The following EYA2 variants were observed in gnomAD, a reference collection of about 807,000 sequenced individuals.
EYA2 encodes the protein protein phosphatase EYA2.
Under a neutral mutation model 69.2 loss-of-function variants are expected in EYA2, and 31 were observed. The observed-to-expected ratio is 0.45, with a 90% CI of 0.34 to 0.60. The LOEUF is 0.60. Among genes scored for constraint, EYA2 ranks in the 20% least tolerant of loss-of-function variants. EYA2 has a pLI of 0.02. For synonymous variants in EYA2, 257 were observed against 279.4 expected (o/e 0.92, Z 0.80); for missense variants, 622 against 701.2 (o/e 0.89, Z 1.28).
At chr20:47,026,226 T>C (rs775511419) in intron 5 of EYA2, among the ~76,000 whole-genome samples, 1 of 152,204 alleles carries the variant, frequency 6.6e-6, no homozygotes. Flanking sequence ...AACAGCTAGT[T>C]AGCCATCTGG....
chr20:47,145,217 G>A (rs542462021), intron 10 of EYA2, among the ~76,000 whole-genome samples: 16 of 152,136 alleles, frequency 1.1e-4, no homozygotes, highest in Admixed American at 9.2e-4. Context: ...GGGGATGGAG[G>A]AGGGTTGGGG....
intron 7 of EYA2, among the ~76,000 whole-genome samples, chr20:47,083,050 A>G (rs781643228): frequency 3.9e-5 from 6 of 152,090 alleles, no homozygotes; most frequent in South Asian, 2.1e-4. Context: ...AAAATAACCC[A>G]GGCAGTGGGT....
rs141368803 is a variant in EYA2 at position 46,990,557 on chromosome 20, G to A, written c.109+438G>A. ...TAGGGCAAGAACTCGTCTGCCTCTT[G>A]CTTTCAGGTCGGGTTGGAGTCAAGG... is the stretch of plus-strand genomic sequence containing the variant. On this transcript the variant is annotated intron_variant, in intron 2 of 15. Transcript: ENST00000327619. Among the ~76,000 whole-genome samples the A allele has an allele frequency of 2.0e-5, 3 of 152,346 alleles. No homozygotes were observed. In the East Asian group the frequency reaches 5.8e-4, roughly 29 times the overall value.
intron 10 of EYA2, among the ~76,000 whole-genome samples, chr20:47,151,615 A>G (rs769493627): frequency 1.3e-5 from 2 of 151,824 alleles, no homozygotes; most frequent in African/African-American, 2.4e-5. Flanking sequence ...GCCAGTTCCT[A>G]TGCACCTCTT....
chr20:47,037,477 A>G lies in EYA2; in HGVS notation c.415+21180A>G, dbSNP rs958781722. 6.6e-5 allele frequency among the ~76,000 whole-genome samples: 10 copies of G among 152,370 alleles called. No homozygotes were observed. In the South Asian group the frequency reaches 1.9e-3, roughly 28 times the overall value. On this transcript the variant is annotated intron_variant, in intron 5 of 15. Transcript: ENST00000327619. Reference sequence around the variant, plus strand: ...GTATTATTAGTTTTCCATGACTTCTATAACAAATTACCACAAACTTCGTGG... The same window carrying G: ...GTATTATTAGTTTTCCATGACTTCTGTAACAAATTACCACAAACTTCGTGG...
At chr20:46,938,896 A>G (rs909922697) in intron 1 of EYA2, among the ~76,000 whole-genome samples, 3 of 152,192 alleles carry the variant, frequency 2.0e-5, no homozygotes, top group African/African-American at 7.2e-5. Flanking sequence ...ACATTCTCCT[A>G]CAAAACAACC....
intron 15 of EYA2, among the ~76,000 whole-genome samples, chr20:47,185,879 C>A (rs929827534): frequency 6.6e-6 from 1 of 152,180 alleles, no homozygotes; most frequent in Non-Finnish European, 1.5e-5. Flanking sequence ...TTCCTCTTTT[C>A]ATTCCTTCTA....
intron 9 of EYA2, among the ~76,000 whole-genome samples, chr20:47,111,035 T>G (rs2032734957): frequency 6.6e-6 from 1 of 152,254 alleles, no homozygotes; most frequent in African/African-American, 2.4e-5. Flanking sequence ...GGGTATAGAA[T>G]TTTTGTTTGG....
chr20:47,053,380 A>T (rs2030440011), intron 5 of EYA2, among the ~76,000 whole-genome samples: 1 of 152,176 alleles, frequency 6.6e-6, no homozygotes, highest in South Asian at 2.1e-4. Flanking sequence ...AAAGAGTAAC[A>T]TTCGGCCGGG....
intron 5 of EYA2, among the ~76,000 whole-genome samples, chr20:47,046,532 C>A (rs2030045904): frequency 6.6e-6 from 1 of 152,130 alleles, no homozygotes; most frequent in African/African-American, 2.4e-5. Flanking sequence ...AGCCCTCATC[C>A]TAAAACAACA....
In EYA2 at chr20:47,040,079, G is replaced by C. The variant is rs575307854; in HGVS notation, c.415+23782G>C. ...TGGTCTCGAACTCCTGACCTCAGGT[G>C]ACCCACCCACCTCGGCCACCCAAAG... is the stretch of plus-strand genomic sequence containing the variant. On this transcript the variant is annotated intron_variant, in intron 5 of 15. Transcript: ENST00000327619. 2.0e-4 allele frequency among the ~76,000 whole-genome samples: 31 copies of C among 152,066 alleles called. 1 individual carries two copies. Among genetic ancestry groups the C allele is most frequent in the East Asian group, 7.7e-4 (4 of 5,166 alleles).
At chr20:46,927,763 T>C (rs1167038773) in intron 1 of EYA2, among the ~76,000 whole-genome samples, 2 of 152,148 alleles carry the variant, frequency 1.3e-5, no homozygotes, top group Admixed American at 6.5e-5. Flanking sequence ...AGCCAAACCA[T>C]ATCAATGCCC....
intron 9 of EYA2, among the ~76,000 whole-genome samples, chr20:47,099,103 G>A (rs773277776): frequency 2.6e-5 from 4 of 152,256 alleles, no homozygotes; most frequent in African/African-American, 9.6e-5. Context: ...AGTTACTGCC[G>A]TGGGCAGTTG....
At chr20:47,015,936 C>A (rs1347648943) in intron 4 of EYA2, among the ~76,000 whole-genome samples, 1 of 152,200 alleles carries the variant, frequency 6.6e-6, no homozygotes, top group African/African-American at 2.4e-5. Context: ...GCCGTAAGTC[C>A]AGCTTTTTGT....
At chr20:46,942,469 A>G (rs781438061) in intron 1 of EYA2, among the ~76,000 whole-genome samples, 3 of 152,228 alleles carry the variant, frequency 2.0e-5, no homozygotes, top group African/African-American at 7.2e-5. Context: ...ATGGGGCAAG[A>G]GGTCTCCTCA....
intron 5 of EYA2, among the ~76,000 whole-genome samples, chr20:47,027,644 C>T (rs1984172756): frequency 6.6e-6 from 1 of 152,134 alleles, no homozygotes; most frequent in South Asian, 2.1e-4. Context: ...GCGGAAACAG[C>T]TGGAGAGATT....
chr20:47,121,828 T>A (rs1402538310), intron 9 of EYA2, among the ~76,000 whole-genome samples: 1 of 151,926 alleles, frequency 6.6e-6, no homozygotes, highest in East Asian at 1.9e-4. Context: ...AGAGAAGGGA[T>A]CAGACCCAGA....
chr20:47,039,000 G>A (rs934977987), intron 5 of EYA2, among the ~76,000 whole-genome samples: 2 of 152,094 alleles, frequency 1.3e-5, no homozygotes, highest in African/African-American at 4.8e-5. Context: ...CTCTACCCAC[G>A]ACATCACCCA....
At chr20:47,154,819 TTGTGTGTGTGTG>T (rs11472542) in intron 10 of EYA2, among the ~76,000 whole-genome samples, 65 of 140,886 alleles carry the variant, frequency 4.6e-4, no homozygotes, top group Non-Finnish European at 7.9e-4. Flanking sequence ...TTATTTTGTT[TTGTGTGTGTGTG>T]TGTGTGTGTG....
Sources: gnomAD v4.1 joint callset for allele counts (sites outside exome capture counted in the v4.1 genomes callset) on GRCh38, gnomAD v4.1.1 for gene constraint, MANE v1.5 for transcripts, NCBI Gene and HGNC (gene_info 2026-07-23, HGNC 2026-07-21) for gene names.